Variants in EDA observed in about 807,000 individuals in gnomAD.
EDA encodes ectodysplasin-A.
Under a neutral mutation model 23.6 loss-of-function variants are expected in EDA, and 2 were observed. The ratio of observed to expected loss-of-function variants is 0.08; its 90% CI spans 0.03 to 0.27. The LOEUF is 0.27. Among genes scored for constraint, EDA ranks in the 10% least tolerant of loss-of-function variants. The probability of loss-of-function intolerance (pLI) is 1.00; values close to 1 mark genes in which losing one functional copy is unlikely to be tolerated. For missense variants in EDA, 229 were observed against 324.2 expected (o/e 0.71, Z 2.26); for synonymous variants, 131 against 132.0 (o/e 0.99, Z 0.05).
chrX:70,027,804 C>CA (rs2020132683), intron 3 of EDA, 53 bp from the exon 4 acceptor site: 1 of 566,191 alleles, frequency 1.8e-6, no homozygotes, highest in Non-Finnish European at 3.0e-6. Context: ...GCCTGGGCAA[C>CA]AGAGCAGGAC....
chrX:69,666,526 CTTT>C (rs1316572481), intron 1 of EDA, among the ~76,000 whole-genome samples: 2 of 112,290 alleles, frequency 1.8e-5, no homozygotes, highest in Non-Finnish European at 3.8e-5. Context: ...TTTTTGAATG[CTTT>C]TTCTGCATCA....
chrX:69,914,874 A>G, intron 1 of EDA, among the ~76,000 whole-genome samples: 1 of 111,624 alleles, frequency 9.0e-6, no homozygotes, highest in Non-Finnish European at 1.9e-5. Context: ...TGTCCACTAA[A>G]CATTTTCCAA....
intron 1 of EDA, among the ~76,000 whole-genome samples, chrX:69,686,055 C>T (rs1934534267): frequency 8.9e-6 from 1 of 112,429 alleles, no homozygotes; most frequent in African/African-American, 3.2e-5. Flanking sequence ...GTTGCCCAGG[C>T]TGGAGTGCAG....
At chrX:69,987,764 A>G (rs1266624877) in intron 2 of EDA, among the ~76,000 whole-genome samples, 1 of 111,604 alleles carries the variant, frequency 9.0e-6, no homozygotes, top group African/African-American at 3.3e-5. Context: ...TTAAGATTCT[A>G]TTCCATTTCT....
intron 1 of EDA, among the ~76,000 whole-genome samples, chrX:69,721,335 G>A (rs1458689159): frequency 8.9e-6 from 1 of 112,103 alleles, no homozygotes; most frequent in Non-Finnish European, 1.9e-5. Flanking sequence ...TGCTTCTTCT[G>A]ACTCAAGTGC....
rs1427508998 is a variant in EDA at position 69,928,173 on chromosome X, C to T, written c.397-28854C>T. ...GATACCCCTTCAGTTCCATCTCTAT[C>T]GAGCAAACTACCAAACCTTCAAAAG... On this transcript the variant is annotated intron_variant, in intron 1 of 7. Transcript: ENST00000374552. Among the ~76,000 whole-genome samples the T allele has an allele frequency of 4.7e-4, 52 of 110,943 alleles. 2 individuals carry two copies. The highest frequency in any genetic ancestry group is 3.8e-5 in the Non-Finnish European group (2 of 52,884).
chrX:69,907,649 G>A (rs1290723436), intron 1 of EDA, among the ~76,000 whole-genome samples: 1 of 111,806 alleles, frequency 8.9e-6, no homozygotes, highest in African/African-American at 3.2e-5. Flanking sequence ...ATTTAGTTCT[G>A]TTTAGAGCAA....
intron 6 of EDA, among the ~76,000 whole-genome samples, chrX:70,031,166 G>A (rs1044781774): frequency 1.8e-5 from 2 of 112,314 alleles, no homozygotes; most frequent in Admixed American, 1.9e-4. Flanking sequence ...ATTTCATTCA[G>A]TCCTCACAAC....
At chrX:70,004,292 A>T (rs1409966097) in intron 2 of EDA, among the ~76,000 whole-genome samples, 4 of 112,182 alleles carry the variant, frequency 3.6e-5, no homozygotes, top group Middle Eastern at 4.6e-3. Context: ...TGCAAGGGCT[A>T]GAGAGGAAAT....
chrX:69,707,240 A>G (rs999397289), intron 1 of EDA, among the ~76,000 whole-genome samples: 2 of 112,038 alleles, frequency 1.8e-5, no homozygotes, highest in Non-Finnish European at 3.8e-5. Flanking sequence ...TTTTCTGAAA[A>G]TGGTCCAAGT....
chrX:69,656,803 T>A (rs1933336174), intron 1 of EDA, among the ~76,000 whole-genome samples: 1 of 111,826 alleles, frequency 8.9e-6, no homozygotes, highest in South Asian at 3.7e-4. Context: ...TCCAACTGCA[T>A]CCATGTTGTT....
Position 69,974,346 on chromosome X carries a change from C to A in EDA, c.502+17214C>A, listed in dbSNP as rs1301095817. The stretch of plus-strand genomic sequence containing the variant: ...AATAATGCTGGGATAACTGACTGTC[C>A]AAAATAATGAAATATGTAGAAGAAT... On this transcript the variant is annotated intron_variant, in intron 2 of 7. Transcript: ENST00000374552. Among the ~76,000 whole-genome samples, 20 of 110,324 alleles carry A rather than the reference C, an allele frequency of 1.8e-4. No homozygotes were observed. In the Admixed American group the frequency reaches 1.9e-3, roughly 11 times the overall value.
intron 1 of EDA, among the ~76,000 whole-genome samples, chrX:69,900,463 T>C (rs1458727570): frequency 9.3e-6 from 1 of 108,060 alleles, no homozygotes; most frequent in Non-Finnish European, 1.9e-5. Context: ...ATCATAAAAA[T>C]ATATATCATA....
intron 1 of EDA, among the ~76,000 whole-genome samples, chrX:69,632,464 A>C (rs1427171835): frequency 8.9e-6 from 1 of 112,140 alleles, no homozygotes; most frequent in African/African-American, 3.2e-5. Flanking sequence ...ACTGCAGAGA[A>C]TAACCAATTA....
intron 1 of EDA, among the ~76,000 whole-genome samples, chrX:69,639,086 T>G (rs1932810876): frequency 1.8e-5 from 2 of 111,370 alleles, no homozygotes; most frequent in Admixed American, 9.6e-5. Context: ...TGTTGTAGCA[T>G]GTATCAGAAT....
intron 1 of EDA, among the ~76,000 whole-genome samples, chrX:69,834,179 T>C (rs912692580): frequency 9.9e-5 from 11 of 110,828 alleles, no homozygotes; most frequent in African/African-American, 3.6e-4. Flanking sequence ...TAAGTGACAC[T>C]GTTGATTTGG....
At chrX:69,849,080 TATACACACAC>T (rs1260732373) in intron 1 of EDA, among the ~76,000 whole-genome samples, 1,041 of 84,670 alleles carry the variant, frequency 0.012, 6 homozygotes, top group African/African-American at 0.017. Context: ...ACAAAGTCTA[TATACACACAC>T]ACACACACAC....
chrX:69,794,832 A>G (rs748665338), intron 1 of EDA, among the ~76,000 whole-genome samples: 2 of 111,204 alleles, frequency 1.8e-5, no homozygotes, highest in South Asian at 7.7e-4. Context: ...GGATAACTGA[A>G]TAGAAGGTGA....
intron 2 of EDA, among the ~76,000 whole-genome samples, chrX:69,964,586 T>C (rs148425051): frequency 2.5e-4 from 28 of 111,852 alleles, no homozygotes; most frequent in African/African-American, 7.8e-4. Flanking sequence ...TACTAAGGGT[T>C]TCAATTTGGA....
Sources: gnomAD v4.1 joint callset for allele counts (sites outside exome capture counted in the v4.1 genomes callset) on GRCh38, gnomAD v4.1.1 for gene constraint, MANE v1.5 for transcripts, NCBI Gene and HGNC (gene_info 2026-07-23, HGNC 2026-07-21) for gene names.